PITPNM2: variants seen among roughly 807,000 people sequenced by gnomAD.
The protein encoded by PITPNM2 is phosphatidylinositol transfer protein membrane associated 2.
In PITPNM2, 35 loss-of-function variants were observed where a neutral mutation model predicts 132.2. The observed-to-expected ratio is 0.26, with a 90% CI of 0.20 to 0.35. PITPNM2 has a LOEUF of 0.35. PITPNM2 is among the 10% of genes least tolerant of loss of function. The probability of loss-of-function intolerance (pLI) is 1.00; values close to 1 mark genes in which losing one functional copy is unlikely to be tolerated. For synonymous variants in PITPNM2, 738 were observed against 799.2 expected (o/e 0.92, Z 1.29); for missense variants, 1,332 against 1,912.0 (o/e 0.70, Z 5.66).
intron 2 of PITPNM2, among the ~76,000 whole-genome samples, chr12:123,045,732 C>A (rs1053621352): frequency 2.6e-5 from 4 of 152,210 alleles, no homozygotes; most frequent in Non-Finnish European, 5.9e-5. Context: ...TATTGTGCAG[C>A]CTGCAAGGAG....
intron 3 of PITPNM2, among the ~76,000 whole-genome samples, chr12:123,020,698 G>A (rs1374193122): frequency 2.0e-5 from 3 of 152,078 alleles, no homozygotes; most frequent in Non-Finnish European, 4.4e-5. Context: ...TGAGGGCAAA[G>A]GAGAGAAGGG....
intron 1 of PITPNM2, among the ~76,000 whole-genome samples, chr12:123,116,456 C>T (rs1339813110): frequency 6.6e-6 from 1 of 151,966 alleles, no homozygotes. Context: ...CCAAGACCAG[C>T]CTGGGCAACA....
chr12:123,089,396 A>C (rs2042200141), intron 2 of PITPNM2: 1 of 152,194 alleles, frequency 6.6e-6, no homozygotes, highest in Admixed American at 6.5e-5. Flanking sequence ...GGGTCACTCA[A>C]GGCTCTAAAA....
Position 123,107,894 on chromosome 12 carries a change from G to A in PITPNM2, c.-96+2491C>T, listed in dbSNP as rs528907842. On this transcript the variant is annotated intron_variant, in intron 2 of 25. Transcript: ENST00000320201. ...ACAGACACTTACTGAAATATTTCAG[G>A]GAAAATGATGCCAAGAATTCTGAGG... 2.0e-5 allele frequency among the ~76,000 whole-genome samples: 3 copies of A among 152,316 alleles called. No homozygotes were observed. The East Asian group carries it at 5.8e-4, about 29-fold the overall frequency.
chr12:123,137,523 C>T (rs549654825), intron 1 of PITPNM2, among the ~76,000 whole-genome samples: 14 of 152,162 alleles, frequency 9.2e-5, no homozygotes, highest in Non-Finnish European at 2.1e-4. Flanking sequence ...CCCAGCCAGT[C>T]TCTCTGAATC....
At position 123,064,971 on chromosome 12, in the gene PITPNM2, T is replaced by C. The variant is rs1399150243; in HGVS notation, c.-95-30286A>G. 6.6e-6 allele frequency among the ~76,000 whole-genome samples: 1 copy of C among 152,210 alleles called. No homozygotes were observed. Among genetic ancestry groups the C allele is most frequent in the Non-Finnish European group, 1.5e-5 (1 of 68,030 alleles). On this transcript the variant is annotated intron_variant, in intron 2 of 25. Coordinates refer to ENST00000320201, the MANE Select transcript of PITPNM2 (RefSeq NM_020845.3). The surrounding 1 kb of genome is among the most constrained non-coding windows in gnomAD (Gnocchi z 4.0). The stretch of plus-strand genomic sequence containing the variant: ...ACAGTGAGGCACTGGGCACCTGAGA[T>C]GTCCTCAGCCTGGGCCTGCCATGCC...
chr12:123,031,872 TCA>T lies in PITPNM2; in HGVS notation c.78+2639_78+2640del, dbSNP rs555167487. ...GTGCACAGGGAAAGGCTCTGGAAGC[TCA>T]GAGGAGCAGCAATGACTCCAGCTAG... On this transcript the variant is annotated intron_variant, in intron 3 of 25. Transcript: ENST00000320201. This position sits in a 1 kb window ranked among gnomAD's most constrained non-coding sequence, Gnocchi z 4.5. Among the ~76,000 whole-genome samples, 102 of 152,234 alleles carry T rather than the reference TCA, an allele frequency of 6.7e-4. No individual in the cohort carries two copies. The highest frequency in any genetic ancestry group is 2.3e-3 in the African/African-American group (94 of 41,534).
chr12:123,110,326 G>A (rs992305646), intron 2 of PITPNM2, 59 bp downstream of exon 2: 1 of 152,322 alleles, frequency 6.6e-6, no homozygotes, highest in Admixed American at 6.5e-5. Flanking sequence ...AGGCCAGGGT[G>A]GCCTGCAGGG....
At chr12:123,011,444 GAGCCTGC>G (rs1316663354) in intron 5 of PITPNM2, among the ~76,000 whole-genome samples, 3 of 152,222 alleles carry the variant, frequency 2.0e-5, no homozygotes, top group African/African-American at 7.2e-5. Flanking sequence ...GCCTCAGAGG[GAGCCTGC>G]AGAGCTCTGG....
At chr12:123,120,111 GC>G in intron 1 of PITPNM2, among the ~76,000 whole-genome samples, 1 of 152,296 alleles carries the variant, frequency 6.6e-6, no homozygotes, top group Admixed American at 6.5e-5. Flanking sequence ...TGCAGCAAAG[GC>G]CTGGCTTTGG....
chr12:122,990,311 G>A (rs868575356), intron 17 of PITPNM2, among the ~76,000 whole-genome samples: 10 of 152,376 alleles, frequency 6.6e-5, no homozygotes, highest in African/African-American at 9.6e-5. Context: ...CTGAGAAGGC[G>A]AAGCTTCTCA....
intron 1 of PITPNM2, among the ~76,000 whole-genome samples, chr12:123,113,387 T>C (rs1566299029): frequency 6.6e-6 from 1 of 152,150 alleles, no homozygotes; most frequent in Non-Finnish European, 1.5e-5. Context: ...TCAATTTAGA[T>C]ATAATTCACA....
At position 123,078,424 on chromosome 12, in the gene PITPNM2, C is replaced by T. The variant is rs1200870293; in HGVS notation, c.-96+31961G>A. Among the ~76,000 whole-genome samples the T allele has an allele frequency of 3.3e-5, 5 of 152,176 alleles. No individual in the cohort carries two copies. Among genetic ancestry groups the T allele is most frequent in the African/African-American group, 7.2e-5 (3 of 41,436 alleles). On this transcript the variant is annotated intron_variant, in intron 2 of 25. Coordinates refer to ENST00000320201, the MANE Select transcript of PITPNM2 (RefSeq NM_020845.3). The surrounding 1 kb of genome is among the most constrained non-coding windows in gnomAD (Gnocchi z 7.3). ...CTTTCTCGCCTGGCTCGTGGTGCTCCGCTGCCCCAAGAGCCTGGGCCCTCC... is the reference window on the plus strand; with the variant it reads ...CTTTCTCGCCTGGCTCGTGGTGCTCTGCTGCCCCAAGAGCCTGGGCCCTCC...
In PITPNM2 at chr12:123,022,127, G is replaced by T. The variant is rs193117220; in HGVS notation, c.79-8085C>A. 1.9e-4 allele frequency among the ~76,000 whole-genome samples: 29 copies of T among 152,300 alleles called. No individual in the cohort carries two copies. In the East Asian group the frequency reaches 5.0e-3, roughly 26 times the overall value. ...AACCCTTCATTTCCGGTGCTCAGAG[G>T]CTCCCGGTACAGCCAAGAGGTGCGG... On this transcript the variant is annotated intron_variant, in intron 3 of 25. Coordinates refer to ENST00000320201, the MANE Select transcript of PITPNM2 (RefSeq NM_020845.3). The surrounding 1 kb of genome is among the most constrained non-coding windows in gnomAD (Gnocchi z 4.9).
chr12:123,043,996 C>CA (rs2040573917), intron 2 of PITPNM2, among the ~76,000 whole-genome samples: 3 of 152,288 alleles, frequency 2.0e-5, no homozygotes. Flanking sequence ...CTCTAGGGAC[C>CA]CTGCTGGTCA....
At position 122,986,754 on chromosome 12, in the gene PITPNM2, C is replaced by A; in HGVS notation, c.3489G>T (p.Ala1163=). The A allele has an allele frequency of 1.9e-6, 3 of 1,613,580 alleles. No individual in the cohort carries two copies. The highest frequency in any genetic ancestry group is 2.5e-6 in the Non-Finnish European group (3 of 1,180,002). ...RPDMQKQRVV[A]WLAQHNFPHG... Reference sequence around the variant, plus strand: ...GGGGGAAGTTGTGCTGGGCCAGCCACGCCACCACCCGCTGCTTCTGCATGT... The same window carrying A: ...GGGGGAAGTTGTGCTGGGCCAGCCAAGCCACCACCCGCTGCTTCTGCATGT... Residue 1163 remains alanine, a synonymous_variant, in exon 24 of 26, where the codon GCG becomes GCT. Transcript: ENST00000320201.
intron 3 of PITPNM2, among the ~76,000 whole-genome samples, chr12:123,027,644 C>G (rs898418995): frequency 6.6e-6 from 1 of 152,218 alleles, no homozygotes; most frequent in Non-Finnish European, 1.5e-5. Context: ...CTGATTCAGT[C>G]GGCTGTGGAG....
intron 2 of PITPNM2, among the ~76,000 whole-genome samples, chr12:123,043,947 T>C (rs1187931857): frequency 6.6e-6 from 1 of 152,168 alleles, no homozygotes; most frequent in Non-Finnish European, 1.5e-5. Flanking sequence ...AAGCATGGCA[T>C]GAAGGAGAAT....
At position 122,985,946 on chromosome 12, in the gene PITPNM2, G is replaced by A. The variant is rs986168598; in HGVS notation, c.*81C>T. 5 of 1,255,568 alleles carry A rather than the reference G, an allele frequency of 4.0e-6. No individual in the cohort carries two copies. The highest frequency in any genetic ancestry group is 2.9e-4 in the Middle Eastern group (1 of 3,466). 77.8% of individuals were successfully genotyped at this position (1,255,568 alleles called of 1,614,324 possible). The stretch of plus-strand genomic sequence containing the variant: ...CAATCTCCCAGGCCCACGTCAGTGC[G>A]TGTGCCCAGGCCAGGCCTCCTGGCG... On this transcript the variant is annotated 3_prime_UTR_variant, in exon 26 of 26. Coordinates refer to ENST00000320201, the MANE Select transcript of PITPNM2 (RefSeq NM_020845.3).
Sources: allele counts gnomAD v4.1 joint callset (sites outside exome capture counted in the v4.1 genomes callset), GRCh38; gene constraint gnomAD v4.1.1; non-coding constraint Gnocchi (gnomAD v3.1); transcripts MANE v1.5; gene names NCBI Gene and HGNC (gene_info 2026-07-23, HGNC 2026-07-21).